The following CERS3 variants were observed in gnomAD, a reference collection of about 807,000 sequenced individuals.
The protein encoded by CERS3 is LAG1 homolog, ceramide synthase 3.
In CERS3, 33 loss-of-function variants were observed where a neutral mutation model predicts 50.3. The ratio of observed to expected loss-of-function variants is 0.66; its 90% CI spans 0.50 to 0.88. The LOEUF (loss-of-function observed/expected upper bound fraction) is 0.88. CERS3 is among the 40% of genes least tolerant of loss of function. The pLI is 0.00. For missense variants in CERS3, 470 were observed against 460.3 expected (o/e 1.02, Z -0.19); for synonymous variants, 176 against 155.2 (o/e 1.13, Z -0.99).
At position 100,508,263 on chromosome 15, in the gene CERS3, C is replaced by T. The variant is rs981359125; in HGVS notation, c.-1-6413G>A. Among the ~76,000 whole-genome samples, 3 of 152,030 alleles carry T rather than the reference C, an allele frequency of 2.0e-5. No homozygotes were observed. The South Asian group carries it at 6.2e-4, about 32-fold the overall frequency. On this transcript the variant is annotated intron_variant, in intron 2 of 11. Coordinates refer to ENST00000679737, the MANE Select transcript of CERS3 (RefSeq NM_001378789.1). ...TTTTCTTCTTTCTCTCCCATTTTTG[C>T]CCCTGTTCTTCCTGTTGGAAATGTG...
intron 11 of CERS3, among the ~76,000 whole-genome samples, chr15:100,411,798 C>T (rs2031513222): frequency 6.6e-6 from 1 of 151,846 alleles, no homozygotes; most frequent in South Asian, 2.1e-4. Context: ...TAATAGTAAC[C>T]CTCCTAATAG....
chr15:100,427,107 G>A (rs566741203), intron 11 of CERS3, among the ~76,000 whole-genome samples: 11 of 152,282 alleles, frequency 7.2e-5, no homozygotes, highest in African/African-American at 2.4e-4. Flanking sequence ...AGTCAGCCGA[G>A]GGGTGTGTGC....
chr15:100,500,194 T>C (rs1427058870), intron 3 of CERS3: 2 of 152,210 alleles, frequency 1.3e-5, no homozygotes, highest in Non-Finnish European at 2.9e-5. Flanking sequence ...GATATGGCAT[T>C]AGTGAAGCAA....
At chr15:100,514,187 G>A (rs183826831) in intron 2 of CERS3, among the ~76,000 whole-genome samples, 1 of 152,218 alleles carries the variant, frequency 6.6e-6, no homozygotes, top group East Asian at 1.9e-4. Context: ...GAGTAAGTGG[G>A]TAAATGCTTG....
At chr15:100,448,062 G>C (rs2654588) in intron 11 of CERS3, among the ~76,000 whole-genome samples, 42,123 of 152,116 alleles carry the variant, frequency 0.28, 6,066 homozygotes, top group East Asian at 0.41. Flanking sequence ...GCTCGGGGGA[G>C]AGCGTTATGT....
At chr15:100,439,501 T>C (rs1275476042) in intron 11 of CERS3, among the ~76,000 whole-genome samples, 2 of 152,198 alleles carry the variant, frequency 1.3e-5, no homozygotes, top group Non-Finnish European at 2.9e-5. Flanking sequence ...TTAAAAGAAA[T>C]TTTTGGAGGC....
At chr15:100,480,182 G>T in intron 5 of CERS3, 136 bp from the exon 6 acceptor site, 1 of 670,500 alleles carries the variant, frequency 1.5e-6, no homozygotes, top group Non-Finnish European at 2.6e-6. Context: ...TCCTGGCTCT[G>T]CCCCACTTAT....
At chr15:100,473,966 A>G (rs1411310000) in intron 8 of CERS3, among the ~76,000 whole-genome samples, 1 of 152,272 alleles carries the variant, frequency 6.6e-6, no homozygotes, top group Non-Finnish European at 1.5e-5. Flanking sequence ...GTAATGATGT[A>G]CTGATACATG....
chr15:100,459,159 A>AT (rs2142205735), intron 10 of CERS3, among the ~76,000 whole-genome samples: 1 of 152,344 alleles, frequency 6.6e-6, no homozygotes, highest in South Asian at 2.1e-4. Context: ...AACCCCTACT[A>AT]TGTATCACCA....
intron 10 of CERS3, among the ~76,000 whole-genome samples, chr15:100,463,401 C>G (rs1286420704): frequency 2.2e-5 from 3 of 133,348 alleles, no homozygotes; most frequent in African/African-American, 8.4e-5. Context: ...GGCCACTGTA[C>G]TCCAGCCTGG....
At chr15:100,502,793 ATT>A (rs908250075) in intron 2 of CERS3, among the ~76,000 whole-genome samples, 154 of 148,012 alleles carry the variant, frequency 1.0e-3, no homozygotes, top group Non-Finnish European at 1.9e-3. Context: ...ACTTCAACAC[ATT>A]TTTTTTTTTA....
chr15:100,507,271 T>C (rs1281783616), intron 2 of CERS3, among the ~76,000 whole-genome samples: 2 of 152,222 alleles, frequency 1.3e-5, no homozygotes, highest in African/African-American at 4.8e-5. Flanking sequence ...TCCCAGATGA[T>C]GGCCCCTTGA....
chr15:100,527,937 A>G (rs1041155358), intron 1 of CERS3, among the ~76,000 whole-genome samples: 1 of 152,244 alleles, frequency 6.6e-6, no homozygotes, highest in Non-Finnish European at 1.5e-5. Flanking sequence ...ACCCCTTTTA[A>G]GAAAAACAAA....
intron 1 of CERS3, among the ~76,000 whole-genome samples, chr15:100,538,954 G>A (rs1323133899): frequency 6.6e-6 from 1 of 152,042 alleles, no homozygotes; most frequent in Non-Finnish European, 1.5e-5. Flanking sequence ...GCCTTTAAGA[G>A]CACCCAAGTC....
intron 10 of CERS3, among the ~76,000 whole-genome samples, chr15:100,461,996 T>A (rs1226505531): frequency 6.6e-6 from 1 of 152,112 alleles, no homozygotes; most frequent in Non-Finnish European, 1.5e-5. Context: ...AGAAAAAAAA[T>A]TCCATCTGCC....
chr15:100,510,557 C>A (rs771194653), intron 2 of CERS3, among the ~76,000 whole-genome samples: 31 of 152,226 alleles, frequency 2.0e-4, no homozygotes, highest in Non-Finnish European at 3.8e-4. Context: ...CCCCCAGCCT[C>A]CACCCCAGTT....
intron 11 of CERS3, among the ~76,000 whole-genome samples, chr15:100,407,861 T>C (rs2031174033): frequency 1.3e-5 from 2 of 152,322 alleles, no homozygotes; most frequent in South Asian, 4.1e-4. Context: ...ATTTATTTAT[T>C]TATTTTTAAA....
intron 2 of CERS3, among the ~76,000 whole-genome samples, chr15:100,510,578 T>C (rs1454664260): frequency 1.3e-5 from 2 of 152,216 alleles, no homozygotes; most frequent in East Asian, 1.9e-4. Context: ...ACACCTGGTA[T>C]GTGGCTGCCC....
chr15:100,539,146 C>T (rs1213568777), intron 1 of CERS3, among the ~76,000 whole-genome samples: 1 of 152,210 alleles, frequency 6.6e-6, no homozygotes. Flanking sequence ...CCATCTGAGA[C>T]CATCTCAGCC....
Sources: gnomAD v4.1 joint callset for allele counts (sites outside exome capture counted in the v4.1 genomes callset) on GRCh38, gnomAD v4.1.1 for gene constraint, MANE v1.5 for transcripts, NCBI Gene and HGNC (gene_info 2026-07-23, HGNC 2026-07-21) for gene names.